The following DLC1 variants were observed in gnomAD, a reference collection of about 807,000 sequenced individuals.
DLC1 encodes the protein DLC1 Rho GTPase activating protein, also known as rho GTPase-activating protein 7.
Under a neutral mutation model 140.3 loss-of-function variants are expected in DLC1, and 54 were observed. The ratio of observed to expected loss-of-function variants is 0.38; its 90% CI spans 0.31 to 0.48. DLC1 has a LOEUF of 0.48. Among genes scored for constraint, DLC1 ranks in the 20% least tolerant of loss-of-function variants. The probability of loss-of-function intolerance (pLI) is 0.96; values close to 1 mark genes in which losing one functional copy is unlikely to be tolerated. For synonymous variants in DLC1, 986 were observed against 728.1 expected, an observed-to-expected ratio of 1.35 and a Z score of -5.70; for missense variants, 2,536 against 1,907.0, an observed-to-expected ratio of 1.33 and a Z score of -6.14.
intron 5 of DLC1, among the ~76,000 whole-genome samples, chr8:13,246,359 T>G (rs1274477161): frequency 6.6e-6 from 1 of 152,232 alleles, no homozygotes; most frequent in Admixed American, 6.5e-5. Flanking sequence ...TGAGATTGAT[T>G]GGCCCAAAAG....
At chr8:13,193,578 T>C (rs1302578827) in intron 5 of DLC1, among the ~76,000 whole-genome samples, 4 of 152,184 alleles carry the variant, frequency 2.6e-5, no homozygotes, top group African/African-American at 9.7e-5. Flanking sequence ...TTTATTTCTG[T>C]TGTGGCAACC....
intron 5 of DLC1, among the ~76,000 whole-genome samples, chr8:13,190,643 G>T (rs1039584511): frequency 6.6e-6 from 1 of 152,202 alleles, no homozygotes; most frequent in African/African-American, 2.4e-5. Flanking sequence ...TTAAGATGCA[G>T]TTATGTTTAG....
chr8:13,496,490 A>G (rs1269481771), intron 2 of DLC1, among the ~76,000 whole-genome samples: 1 of 152,058 alleles, frequency 6.6e-6, no homozygotes, highest in African/African-American at 2.4e-5. Flanking sequence ...AATTGCTGTT[A>G]ACAATTTTGT....
At chr8:13,239,212 A>T (rs1829435092) in intron 5 of DLC1, among the ~76,000 whole-genome samples, 1 of 152,194 alleles carries the variant, frequency 6.6e-6, no homozygotes. Context: ...AGCAGTTGTT[A>T]GGTGCAAATG....
At chr8:13,354,965 A>G (rs968935030) in intron 4 of DLC1, among the ~76,000 whole-genome samples, 2 of 151,786 alleles carry the variant, frequency 1.3e-5, no homozygotes, top group African/African-American at 2.4e-5. Flanking sequence ...AAAAAAAAAA[A>G]AAAGAAAAAG....
At position 13,280,968 on chromosome 8, in the gene DLC1, T is replaced by C. The variant is rs141065323; in HGVS notation, c.1348+24301A>G. 2.6e-5 allele frequency among the ~76,000 whole-genome samples: 4 copies of C among 152,286 alleles called. No homozygotes were observed. The East Asian group carries it at 7.7e-4, about 29-fold the overall frequency. Reference sequence around the variant, plus strand: ...CATGGCAGTGCCTATCCCAGCATAATATATCTCCCTAAAATGCTGTAACTC... The same window carrying C: ...CATGGCAGTGCCTATCCCAGCATAACATATCTCCCTAAAATGCTGTAACTC... On this transcript the variant is annotated intron_variant, in intron 5 of 17. Transcript: ENST00000276297.
rs35445357 is a variant in DLC1, at chr8:13,499,212, C to A, written c.860G>T (p.Gly287Val). 67 of 1,614,010 alleles carry A rather than the reference C, an allele frequency of 4.2e-5. No homozygotes were observed. Among genetic ancestry groups the A allele is most frequent in the Middle Eastern group, 3.3e-4 (2 of 6,084 alleles). Residue 287 changes from glycine (G) to valine (V), a missense_variant, in exon 2 of 18, where the codon GGA becomes GTA. Coordinates refer to ENST00000276297, the MANE Select transcript of DLC1 (RefSeq NM_182643.3). ...CTCCAGGCCATTTTCAGCTGACATT[C>A]CATTGGGGCAGGAAGGAGGCTGCAG... is the stretch of plus-strand genomic sequence containing the variant. ...CLLQPPSCPN[G>V]MSAENGLEKS... is the part of the protein sequence containing the mutation.
chr8:13,269,589 G>A (rs1830832292), intron 5 of DLC1, among the ~76,000 whole-genome samples: 1 of 151,176 alleles, frequency 6.6e-6, no homozygotes, highest in South Asian at 2.1e-4. Flanking sequence ...TATAGTCCTG[G>A]CTGCTGAGGG....
intron 5 of DLC1, among the ~76,000 whole-genome samples, chr8:13,262,311 A>G (rs1830499187): frequency 2.6e-5 from 4 of 152,178 alleles, no homozygotes; most frequent in Admixed American, 2.6e-4. Flanking sequence ...CAAGGGGAAC[A>G]TATTTCATAA....
intron 5 of DLC1, among the ~76,000 whole-genome samples, chr8:13,178,513 A>G (rs1046318756): frequency 2.6e-5 from 4 of 151,534 alleles, no homozygotes; most frequent in African/African-American, 9.7e-5. Flanking sequence ...CAGAGCTTGC[A>G]ATGAGCCGAG....
At chr8:13,139,778 TC>T (rs1822839360) in intron 5 of DLC1, among the ~76,000 whole-genome samples, 1 of 152,240 alleles carries the variant, frequency 6.6e-6, no homozygotes, top group Non-Finnish European at 1.5e-5. Flanking sequence ...CTTTCGTGTG[TC>T]CCCTGACTAC....
chr8:13,097,910 G>A (rs73552389), intron 10 of DLC1, among the ~76,000 whole-genome samples: 4,883 of 151,946 alleles, frequency 0.032, 267 homozygotes, highest in African/African-American at 0.11. Context: ...AGTGGCTGGC[G>A]TGGTGGCTCA....
intron 2 of DLC1, among the ~76,000 whole-genome samples, chr8:13,457,428 C>G (rs1184242480): frequency 6.6e-6 from 1 of 152,016 alleles, no homozygotes; most frequent in Non-Finnish European, 1.5e-5. Flanking sequence ...CCTGTAATCC[C>G]AGCACTTTGA....
At position 13,110,650 on chromosome 8, in the gene DLC1, G is replaced by T. The variant is rs575274292; in HGVS notation, c.1502+92C>A. The T allele has an allele frequency of 3.2e-6, 4 of 1,238,424 alleles. No homozygotes were observed. In the East Asian group the frequency reaches 7.0e-5, roughly 22 times the overall value. The allele number at this position is 1,238,424 out of a possible 1,614,324, so 76.7% of individuals were successfully genotyped here. A position where few individuals can be genotyped will look rare whatever the true frequency, so the allele number is the denominator to read the frequency against. ...TGCCAATAAAAACCTAACACAATTA[G>T]CAAGAACAAAAGCAAACAAAGCCTA... On this transcript the variant is annotated intron_variant, in intron 7 of 17. Transcript: ENST00000276297.
intron 5 of DLC1, among the ~76,000 whole-genome samples, chr8:13,156,976 A>G (rs578011220): frequency 3.3e-5 from 5 of 152,334 alleles, no homozygotes; most frequent in Non-Finnish European, 7.3e-5. Flanking sequence ...GATTAACTGC[A>G]ACGTCTGAAA....
At chr8:13,495,544 T>G (rs1393592592) in intron 2 of DLC1, among the ~76,000 whole-genome samples, 1 of 152,192 alleles carries the variant, frequency 6.6e-6, no homozygotes, top group Non-Finnish European at 1.5e-5. Context: ...ATATATTTCA[T>G]CCTATTTAGA....
At chr8:13,474,470 G>A (rs931177032) in intron 2 of DLC1, among the ~76,000 whole-genome samples, 1 of 152,162 alleles carries the variant, frequency 6.6e-6, no homozygotes, top group Admixed American at 6.5e-5. Flanking sequence ...AGTCCCTACT[G>A]GGGCACTGCC....
intron 4 of DLC1, among the ~76,000 whole-genome samples, chr8:13,325,385 T>C (rs1322455886): frequency 6.6e-6 from 1 of 152,170 alleles, no homozygotes; most frequent in Non-Finnish European, 1.5e-5. Flanking sequence ...ATATTCCTAC[T>C]AAATTGCACA....
At chr8:13,409,309 A>G (rs77419195) in intron 2 of DLC1, among the ~76,000 whole-genome samples, 6,430 of 152,258 alleles carry the variant, frequency 0.042, 287 homozygotes, top group African/African-American at 0.11. Flanking sequence ...GCTATCTGAT[A>G]TACTCTCAAT....
Sources: allele counts gnomAD v4.1 joint callset (sites outside exome capture counted in the v4.1 genomes callset), GRCh38; gene constraint gnomAD v4.1.1; transcripts MANE v1.5; gene names NCBI Gene and HGNC (gene_info 2026-07-23, HGNC 2026-07-21).